RASA3: variants seen among roughly 807,000 people sequenced by gnomAD.
RASA3 encodes ras GTPase-activating protein 3.
RASA3 carries 73 observed loss-of-function variants against 110.0 expected under a neutral mutation model. The ratio of observed to expected loss-of-function variants is 0.66; its 90% CI spans 0.55 to 0.81. RASA3 has a LOEUF of 0.81. Among genes scored for constraint, RASA3 ranks in the 30% least tolerant of loss-of-function variants. The pLI is 0.00. For synonymous variants in RASA3, 500 were observed against 451.4 expected (o/e 1.11, Z -1.37); for missense variants, 976 against 1,113.2 (o/e 0.88, Z 1.75).
chr13:114,029,974 G>A (rs1005129496), intron 4 of RASA3, 87 bp from the exon 5 acceptor site: 2 of 1,275,784 alleles, frequency 1.6e-6, no homozygotes, highest in Admixed American at 2.0e-5. Flanking sequence ...AGCCTAGAGG[G>A]CAAAGGGAGC....
chr13:114,032,067 G>A lies in RASA3; in HGVS notation c.373-2180C>T, dbSNP rs550488268. Among the ~76,000 whole-genome samples, 230 of 152,220 alleles carry A rather than the reference G, an allele frequency of 1.5e-3. 1 individual carries two copies. Among genetic ancestry groups the A allele is most frequent in the African/African-American group, 5.3e-3 (219 of 41,500 alleles). Reference sequence around the variant, plus strand: ...AAGCAAAATAAATAATAAAATAATAGCCAAAAAATTAGTCAGGAGATATTT... The same window carrying A: ...AAGCAAAATAAATAATAAAATAATAACCAAAAAATTAGTCAGGAGATATTT... On this transcript the variant is annotated intron_variant, in intron 4 of 23. Coordinates refer to ENST00000334062, the MANE Select transcript of RASA3 (RefSeq NM_007368.4).
intron 1 of RASA3, among the ~76,000 whole-genome samples, chr13:114,092,580 C>T (rs1388873077): frequency 6.6e-6 from 1 of 152,058 alleles, no homozygotes; most frequent in Non-Finnish European, 1.5e-5. Flanking sequence ...TGTGAGCTAA[C>T]CTATAGTCTA....
chr13:113,993,564 T>C (rs1035626436), intron 21 of RASA3, among the ~76,000 whole-genome samples: 1 of 151,470 alleles, frequency 6.6e-6, no homozygotes, highest in Non-Finnish European at 1.5e-5. Flanking sequence ...CCCCACACTT[T>C]TGGGAGGCCG....
Position 114,132,461 on chromosome 13 carries a change from A to T in RASA3, c.29T>A (p.Val10Asp). ...GATCTTGATCTTCACGCTCTGGAAG[A>T]CCCGGAGCCCCTCGTCCTCCACCGC... MAVEDEGLR[V>D]FQSVKIKIGE... The change falls in exon 1 of 24, where the codon GTC becomes GAC. Residue 10 changes from valine (V) to aspartate (D), a missense_variant. Val to Asp is a radical substitution (Grantham distance 152, BLOSUM62 -3). Transcript: ENST00000334062. The T allele has an allele frequency of 6.6e-7, 1 of 1,517,074 alleles. No individual in the cohort carries two copies. The allele number at this position is 1,517,074 out of a possible 1,614,324, so 94.0% of individuals were successfully genotyped here.
At chr13:114,118,573 G>A (rs2080326266) in intron 1 of RASA3, among the ~76,000 whole-genome samples, 1 of 152,194 alleles carries the variant, frequency 6.6e-6, no homozygotes, top group African/African-American at 2.4e-5. Flanking sequence ...ACAACTTTCT[G>A]ATTAGATGCA....
chr13:113,996,021 A>ACCCGGCTGATGGGGGG (rs2053245277), intron 21 of RASA3, among the ~76,000 whole-genome samples: 1 of 19,230 alleles, frequency 5.2e-5, no homozygotes, highest in East Asian at 1.4e-3. Flanking sequence ...CTGATGGGGG[A>ACCCGGCTGATGGGGGG]CCCGGCTGAT....
intron 1 of RASA3, among the ~76,000 whole-genome samples, chr13:114,087,740 A>G (rs1374012258): frequency 1.3e-5 from 2 of 152,250 alleles, no homozygotes; most frequent in Non-Finnish European, 2.9e-5. Context: ...TCAGTGACAG[A>G]TAACTTCAGA....
chr13:114,088,062 T>C (rs1056623262), intron 1 of RASA3, among the ~76,000 whole-genome samples: 3 of 151,608 alleles, frequency 2.0e-5, no homozygotes, highest in Admixed American at 6.6e-5. Flanking sequence ...TCCCAGGAGG[T>C]GGAGGTTGCA....
rs2079257103 is a variant in RASA3 at position 114,057,013 on chromosome 13, G to T, written c.174-4858C>A. On this transcript the variant is annotated intron_variant, in intron 2 of 23. Coordinates refer to ENST00000334062, the MANE Select transcript of RASA3 (RefSeq NM_007368.4). This position sits in a 1 kb window ranked among gnomAD's most constrained non-coding sequence, Gnocchi z 5.0. Reference sequence around the variant, plus strand: ...GGAGCTGTTGTCCTTGGGAACCACGGGTCCCCCCTCCTGAAGAAGGGGAAC... The same window carrying T: ...GGAGCTGTTGTCCTTGGGAACCACGTGTCCCCCCTCCTGAAGAAGGGGAAC... 6.6e-6 allele frequency among the ~76,000 whole-genome samples: 1 copy of T among 152,036 alleles called. No homozygotes were observed. Among genetic ancestry groups the T allele is most frequent in the South Asian group, 2.1e-4 (1 of 4,806 alleles).
At chr13:114,082,632 G>A (rs889878311) in intron 1 of RASA3, among the ~76,000 whole-genome samples, 4 of 152,158 alleles carry the variant, frequency 2.6e-5, no homozygotes, top group Non-Finnish European at 5.9e-5. Flanking sequence ...GTCCCGTCTG[G>A]GGGCAGCCCC....
chr13:114,064,912 C>A (rs1349776232), intron 2 of RASA3, among the ~76,000 whole-genome samples: 1 of 152,240 alleles, frequency 6.6e-6, no homozygotes, highest in Non-Finnish European at 1.5e-5. Flanking sequence ...CGCCTGAAAT[C>A]CTGCCATGTG....
intron 21 of RASA3, among the ~76,000 whole-genome samples, chr13:113,993,983 T>C (rs2053179466): frequency 6.6e-6 from 1 of 152,230 alleles, no homozygotes; most frequent in Non-Finnish European, 1.5e-5. Flanking sequence ...AGCAAAATGC[T>C]GCCTTGTGCA....
In RASA3 at chr13:113,996,721, GCTGGATGAC is replaced by G; in HGVS notation, c.1942_1950del (p.Val648_Gln650del). The G allele has an allele frequency of 6.2e-7, 1 of 1,613,666 alleles. No homozygotes were observed. The highest frequency in any genetic ancestry group is 1.1e-5 in the South Asian group (1 of 91,084). ...GCCTGGATGTACAGCGCACGCTCTG[GCTGGATGAC>G]CTGGAACATCTGAGGACACAGGTGG... is the stretch of plus-strand genomic sequence containing the variant. On this transcript the variant is annotated inframe_deletion, in exon 21 of 24. Transcript: ENST00000334062.
chr13:114,060,331 C>T lies in RASA3; in HGVS notation c.174-8176G>A, dbSNP rs370840605. Among the ~76,000 whole-genome samples, 5 of 152,156 alleles carry T rather than the reference C, an allele frequency of 3.3e-5. No individual in the cohort carries two copies. In the South Asian group the frequency reaches 8.3e-4, roughly 25 times the overall value. On this transcript the variant is annotated intron_variant, in intron 2 of 23. Transcript: ENST00000334062. Reference sequence around the variant, plus strand: ...AGGCCCGTGCAAGACACTGGATGGACGGATGCACGGATGGGGCAGTGGGCA... The same window carrying T: ...AGGCCCGTGCAAGACACTGGATGGATGGATGCACGGATGGGGCAGTGGGCA...
At chr13:114,052,844 C>T (rs1220121101) in intron 2 of RASA3, among the ~76,000 whole-genome samples, 2 of 145,418 alleles carry the variant, frequency 1.4e-5, no homozygotes, top group African/African-American at 5.3e-5. Flanking sequence ...GCTGACTGTG[C>T]GTAGAGTCCT....
At chr13:114,127,847 G>A (rs2080470709) in intron 1 of RASA3, among the ~76,000 whole-genome samples, 1 of 152,214 alleles carries the variant, frequency 6.6e-6, no homozygotes. Flanking sequence ...AGATAAATCC[G>A]TGGGTCTCCC....
intron 1 of RASA3, among the ~76,000 whole-genome samples, chr13:114,120,074 G>GCCC (rs2080352781): frequency 8.6e-6 from 1 of 116,910 alleles, no homozygotes; most frequent in African/African-American, 4.0e-5. Flanking sequence ...GTCGATCAGG[G>GCCC]CCCCTCCCTC....
Position 114,011,490 on chromosome 13 carries a change from G to A in RASA3, c.1513-242C>T, listed in dbSNP as rs2053636863. On this transcript the variant is annotated intron_variant, in intron 15 of 23. Coordinates refer to ENST00000334062, the MANE Select transcript of RASA3 (RefSeq NM_007368.4). This position sits in a 1 kb window ranked among gnomAD's most constrained non-coding sequence, Gnocchi z 4.8. ...GGCACCGCGGTGACCCACTCTCTCG[G>A]CCCAGCGTGCAGGGTGCATCTCAAA... Among the ~76,000 whole-genome samples the A allele has an allele frequency of 6.6e-6, 1 of 152,064 alleles. No homozygotes were observed. The highest frequency in any genetic ancestry group is 6.5e-5 in the Admixed American group (1 of 15,272).
intron 1 of RASA3, among the ~76,000 whole-genome samples, chr13:114,105,111 C>T (rs572576522): frequency 1.3e-5 from 2 of 152,186 alleles, no homozygotes; most frequent in South Asian, 2.1e-4. Context: ...ATGGAGAGCA[C>T]GCCTGGCCCC....
Sources: gnomAD v4.1 joint callset for allele counts (sites outside exome capture counted in the v4.1 genomes callset) on GRCh38, gnomAD v4.1.1 for gene constraint, Gnocchi (gnomAD v3.1) non-coding constraint, MANE v1.5 for transcripts, NCBI Gene and HGNC (gene_info 2026-07-23, HGNC 2026-07-21) for gene names.